The following DAB1 variants were observed in gnomAD, a reference collection of about 807,000 sequenced individuals.
The protein encoded by DAB1 is disabled homolog 1.
Under a neutral mutation model 64.6 loss-of-function variants are expected in DAB1, and 15 were observed. That is an observed-to-expected ratio of 0.23 (90% CI 0.16 to 0.36). The LOEUF is 0.36. DAB1 is among the 10% of genes least tolerant of loss of function. The probability of loss-of-function intolerance (pLI) is 1.00; values close to 1 mark genes in which losing one functional copy is unlikely to be tolerated. For synonymous variants in DAB1, 235 were observed against 251.9 expected, an observed-to-expected ratio of 0.93 and a Z score of 0.64; for missense variants, 596 against 706.7, an observed-to-expected ratio of 0.84 and a Z score of 1.78.
intron 7 of DAB1, among the ~76,000 whole-genome samples, chr1:57,502,405 G>A (rs1004055501): frequency 6.6e-6 from 1 of 151,710 alleles, no homozygotes; most frequent in Non-Finnish European, 1.5e-5. Flanking sequence ...TGGCAAAAGA[G>A]TTGAAGCAGG....
At chr1:57,672,485 G>C (rs751873717) in intron 6 of DAB1, among the ~76,000 whole-genome samples, 1 of 151,964 alleles carries the variant, frequency 6.6e-6, no homozygotes, top group Non-Finnish European at 1.5e-5. Flanking sequence ...CTTTCTAGTG[G>C]GGTCTTACTG....
intron 6 of DAB1, among the ~76,000 whole-genome samples, chr1:57,653,976 A>C (rs1186006052): frequency 1.3e-5 from 2 of 152,192 alleles, no homozygotes; most frequent in Non-Finnish European, 2.9e-5. Context: ...TCACACTGTT[A>C]CCAGCATTTG....
chr1:57,112,617 C>A (rs1655769131), intron 4 of DAB1, among the ~76,000 whole-genome samples: 1 of 152,016 alleles, frequency 6.6e-6, no homozygotes, highest in African/African-American at 2.4e-5. Context: ...CATAGGCTAC[C>A]CATGAGTAAC....
At chr1:57,340,156 A>G (rs12096950) in intron 1 of DAB1, among the ~76,000 whole-genome samples, 6,377 of 152,216 alleles carry the variant, frequency 0.042, 449 homozygotes, top group African/African-American at 0.15. Context: ...CATCTGATTC[A>G]TTTGCAAGTG....
At chr1:58,010,350 GAT>G (rs1318684517) in intron 5 of DAB1, among the ~76,000 whole-genome samples, 23 of 152,244 alleles carry the variant, frequency 1.5e-4, no homozygotes, top group Non-Finnish European at 1.5e-5. Context: ...ACATACATCT[GAT>G]AAAATTCCAA....
At position 57,564,169 on chromosome 1, in the gene DAB1, C is replaced by A. The variant is rs1414564141; in HGVS notation, n.625+85423G>T. Among the ~76,000 whole-genome samples, 3 of 152,268 alleles carry A rather than the reference C, an allele frequency of 2.0e-5. No homozygotes were observed. The East Asian group carries it at 5.8e-4, about 30-fold the overall frequency. On this transcript the variant is annotated intron_variant and non_coding_transcript_variant, in intron 7 of 20. Coordinates refer to the DAB1 transcript ENST00000485760. ...GCAGCATCCACTGCTGATACCCAGG[C>A]AAAGAGGGTCTGGAGTGAACCTCCA...
chr1:58,114,156 G>C (rs1296265994), intron 5 of DAB1, among the ~76,000 whole-genome samples: 1 of 152,022 alleles, frequency 6.6e-6, no homozygotes, highest in Non-Finnish European at 1.5e-5. Flanking sequence ...CTACTCAAGA[G>C]GCTGAGGCAG....
intron 5 of DAB1, among the ~76,000 whole-genome samples, chr1:58,085,228 T>C (rs1427880883): frequency 6.6e-6 from 1 of 152,224 alleles, no homozygotes; most frequent in East Asian, 1.9e-4. Context: ...GATCTTGTCC[T>C]AGGATCCTTT....
intron 5 of DAB1, among the ~76,000 whole-genome samples, chr1:58,118,197 C>T (rs976735336): frequency 1.3e-4 from 19 of 151,262 alleles, no homozygotes; most frequent in African/African-American, 4.6e-4. Context: ...AGGAGTGGGC[C>T]ACCGCACCCG....
chr1:58,443,720 A>G (rs1377636913), intron 3 of DAB1, among the ~76,000 whole-genome samples: 1 of 152,244 alleles, frequency 6.6e-6, no homozygotes, highest in Non-Finnish European at 1.5e-5. Flanking sequence ...CTTTATAAAG[A>G]GCAAAGTATA....
At chr1:57,630,848 A>G (rs1645980677) in intron 7 of DAB1, among the ~76,000 whole-genome samples, 1 of 152,238 alleles carries the variant, frequency 6.6e-6, no homozygotes, top group Non-Finnish European at 1.5e-5. Context: ...CAACAATTTA[A>G]TTATTCAAAT....
At chr1:58,036,350 C>T (rs1647045234) in intron 5 of DAB1, among the ~76,000 whole-genome samples, 1 of 152,132 alleles carries the variant, frequency 6.6e-6, no homozygotes, top group South Asian at 2.1e-4. Flanking sequence ...GAGCCCAGGG[C>T]CCGTGGGTTC....
upstream of DAB1, among the ~76,000 whole-genome samples, chr1:57,424,343 G>T (rs1259321135): frequency 6.6e-6 from 1 of 151,544 alleles, no homozygotes; most frequent in Non-Finnish European, 1.5e-5. Flanking sequence ...ACGAGCGAGC[G>T]AGCGAGCGAG....
intron 1 of DAB1, among the ~76,000 whole-genome samples, chr1:57,381,846 T>C (rs1263428450): frequency 2.0e-5 from 3 of 152,160 alleles, no homozygotes; most frequent in Non-Finnish European, 4.4e-5. Flanking sequence ...TGGTGTGAAA[T>C]TAAACTTCGA....
At chr1:58,544,735 A>C (rs1646674099) in intron 1 of DAB1, among the ~76,000 whole-genome samples, 1 of 152,142 alleles carries the variant, frequency 6.6e-6, no homozygotes, top group East Asian at 1.9e-4. Flanking sequence ...CTGGGATTAC[A>C]AGCATGCATT....
intron 5 of DAB1, among the ~76,000 whole-genome samples, chr1:57,955,266 C>A (rs929510888): frequency 4.6e-5 from 7 of 152,172 alleles, no homozygotes; most frequent in Non-Finnish European, 1.0e-4. Flanking sequence ...ACCTCTCTTT[C>A]TTCACCTCAA....
intron 5 of DAB1, among the ~76,000 whole-genome samples, chr1:58,068,231 G>A (rs1217382217): frequency 6.6e-6 from 1 of 152,218 alleles, no homozygotes; most frequent in Admixed American, 6.5e-5. Context: ...GAGGAAACTG[G>A]GTGGAAGGTT....
intron 6 of DAB1, among the ~76,000 whole-genome samples, chr1:57,783,192 A>G (rs771054906): frequency 2.8e-5 from 4 of 145,100 alleles, no homozygotes; most frequent in Non-Finnish European, 6.0e-5. Flanking sequence ...TCACTGCAGC[A>G]TCGACCTCCC....
intron 7 of DAB1, among the ~76,000 whole-genome samples, chr1:57,478,226 T>C (rs1376637001): frequency 6.6e-6 from 1 of 152,134 alleles, no homozygotes; most frequent in Non-Finnish European, 1.5e-5. Context: ...AGTTACAGAA[T>C]TAGAAAGGCT....
Sources: gnomAD v4.1 joint callset for allele counts (sites outside exome capture counted in the v4.1 genomes callset) on GRCh38, gnomAD v4.1.1 for gene constraint, MANE v1.5 for transcripts, NCBI Gene and HGNC (gene_info 2026-07-23, HGNC 2026-07-21) for gene names.